Variants in CST3 observed in about 807,000 individuals in gnomAD.
CST3 encodes cystatin C.
Under a neutral mutation model 9.0 loss-of-function variants are expected in CST3, and 14 were observed. That is an observed-to-expected ratio of 1.56 (90% CI 1.03 to 2.44). CST3 has a LOEUF of 2.44. Ranked by LOEUF, CST3 falls within the 30% of genes most tolerant of loss-of-function variation. The pLI is 0.00. For missense variants in CST3, 237 were observed against 204.3 expected (o/e 1.16, Z -0.98); for synonymous variants, 96 against 90.2 (o/e 1.06, Z -0.37).
chr20:23,635,496 C>T, intron 1 of CST3, 129 bp from the exon 2 acceptor site: 3 of 792,958 alleles, frequency 3.8e-6, no homozygotes, highest in Non-Finnish European at 6.4e-6. Context: ...GAGCTGCCCA[C>T]ATTGTCACCT....
In CST3 at chr20:23,637,902, C is replaced by A; in HGVS notation, c.-40G>T. ...CGGGACGCGGGGAGTGGGGCGCAGG[C>A]GAGAGGCTGGAGCTAGATAGAGAGG... On this transcript the variant is annotated 5_prime_UTR_variant, in exon 1 of 3. Coordinates refer to ENST00000376925, the MANE Select transcript of CST3 (RefSeq NM_000099.4). 7.5e-7 allele frequency: 1 copy of A among 1,334,668 alleles called. No individual in the cohort carries two copies. The highest frequency in any genetic ancestry group is 3.7e-5 in the East Asian group (1 of 27,064). The allele number at this position is 1,334,668 out of a possible 1,614,324, so 82.7% of individuals were successfully genotyped here. A position where few individuals can be genotyped will look rare whatever the true frequency, so the allele number is the denominator to read the frequency against.
exon 4 of CST3, chr20:23,628,261 G>A (rs1183709706): frequency 6.6e-6 from 1 of 152,122 alleles, no homozygotes; most frequent in Non-Finnish European, 1.5e-5. Context: ...CAATCCCAGG[G>A]GCACAGCTAC....
intron 1 of CST3, among the ~76,000 whole-genome samples, chr20:23,635,826 A>G (rs1979650756): frequency 6.6e-6 from 1 of 152,196 alleles, no homozygotes; most frequent in Admixed American, 6.5e-5. Context: ...ATTGCTTCCC[A>G]CGTGCTTCCA....
exon 4 of CST3, chr20:23,626,885 G>A (rs2122450876): frequency 6.6e-6 from 1 of 152,298 alleles, no homozygotes; most frequent in Non-Finnish European, 1.5e-5. Flanking sequence ...CTTGTAACTG[G>A]AGTAAGTTGT....
chr20:23,633,971 G>A lies in CST3; in HGVS notation c.386C>T (p.Ala129Val). ...GGTCATTGTGCCCTGCCAAGGCACA[G>A]CGTAGATCTGGAAAGAGCAGAATGC... ...RKAFCSFQIYAVPWQGTMTLS... is the reference protein window; with the variant it reads ...RKAFCSFQIYVVPWQGTMTLS... Residue 129 changes from alanine to valine, a missense_variant, in exon 3 of 3, where the codon GCT becomes GTT. By Grantham distance (64) the Ala-to-Val change is moderately conservative. Coordinates refer to ENST00000376925, the MANE Select transcript of CST3 (RefSeq NM_000099.4). The A allele has an allele frequency of 6.2e-7, 1 of 1,614,126 alleles. No individual in the cohort carries two copies.
chr20:23,627,798 A>G (rs1425689414), exon 4 of CST3: 3 of 152,122 alleles, frequency 2.0e-5, no homozygotes, highest in African/African-American at 7.2e-5. Flanking sequence ...TTATGCGTTT[A>G]TTGGCTATTT....
intron 1 of CST3, among the ~76,000 whole-genome samples, chr20:23,636,477 C>T (rs1187400016): frequency 1.3e-5 from 2 of 152,214 alleles, no homozygotes; most frequent in East Asian, 3.9e-4. Flanking sequence ...AGCAGGGACT[C>T]AGCTGCCCTG....
downstream of CST3, among the ~76,000 whole-genome samples, chr20:23,630,735 C>T (rs1054851448): frequency 2.6e-4 from 39 of 151,034 alleles, no homozygotes; most frequent in African/African-American, 7.8e-4. Flanking sequence ...CATCCCAAGC[C>T]TCTAAGTCCA....
chr20:23,635,316 A>C lies in CST3; in HGVS notation c.295T>G (p.Cys99Gly). ...TCCAAGTTGGGCTGGGTCTTGGTAC[A>C]CGTGGTTCGGCCCAGCTCCACGTCC... is the stretch of plus-strand genomic sequence containing the variant. The part of the protein sequence containing the change: ...FLDVELGRTT[C>G]TKTQPNLDNC... Residue 99 changes from cysteine to glycine, a missense_variant, in exon 2 of 3, where the codon TGT becomes GGT. Coordinates refer to ENST00000376925, the MANE Select transcript of CST3 (RefSeq NM_000099.4). 6.2e-7 allele frequency: 1 copy of C among 1,613,822 alleles called. No individual in the cohort carries two copies. The highest frequency in any genetic ancestry group is 8.5e-7 in the Non-Finnish European group (1 of 1,179,728).
At chr20:23,633,284 G>T (rs888152207), downstream of CST3, among the ~76,000 whole-genome samples, 2 of 152,052 alleles carry the variant, frequency 1.3e-5, no homozygotes, top group Non-Finnish European at 2.9e-5. Flanking sequence ...TGGAATCTAT[G>T]ACCTGGCGAG....
rs941822602 is a variant in CST3 at position 23,635,306 on chromosome 20, G to A, written c.305C>T (p.Thr102Ile). The change falls in exon 2 of 3, where the codon ACC (threonine) becomes ATC (isoleucine). Residue 102 changes from threonine to isoleucine, a missense_variant. Coordinates refer to ENST00000376925, the MANE Select transcript of CST3 (RefSeq NM_000099.4). Reference protein sequence around the residue: ...VELGRTTCTKTQPNLDNCPFH... With the variant: ...VELGRTTCTKIQPNLDNCPFH... ...GGGGCAGTTGTCCAAGTTGGGCTGG[G>A]TCTTGGTACACGTGGTTCGGCCCAG... The A allele has an allele frequency of 6.2e-7, 1 of 1,614,130 alleles. No individual in the cohort carries two copies. Among genetic ancestry groups the A allele is most frequent in the Non-Finnish European group, 8.5e-7 (1 of 1,180,010 alleles).
chr20:23,627,953 GTTACCAGTC>G (rs1027281271), exon 4 of CST3: 8 of 151,812 alleles, frequency 5.3e-5, no homozygotes, highest in Non-Finnish European at 1.0e-4. Context: ...TTTTAATTGG[GTTACCAGTC>G]TTATTGAGTT....
At position 23,633,696 on chromosome 20, in the gene CST3, G is replaced by A; in HGVS notation, c.*220C>T. 2 of 644,692 alleles carry A rather than the reference G, an allele frequency of 3.1e-6. No homozygotes were observed. The highest frequency in any genetic ancestry group is 2.8e-6 in the Non-Finnish European group (1 of 355,762). The allele number at this position is 644,692 out of a possible 1,614,324, so 39.9% of individuals were successfully genotyped here. A position where few individuals can be genotyped will look rare whatever the true frequency, so the allele number is the denominator to read the frequency against. Reference sequence around the variant, plus strand: ...TTTATTGCAGGAGGTGGGGGTGTATGCACCGCACACCGGGGCTATGAGAAG... The same window carrying A: ...TTTATTGCAGGAGGTGGGGGTGTATACACCGCACACCGGGGCTATGAGAAG... On this transcript the variant is annotated 3_prime_UTR_variant, in exon 3 of 3. Coordinates refer to ENST00000376925, the MANE Select transcript of CST3 (RefSeq NM_000099.4).
At chr20:23,626,803 T>C (rs1255691866) in exon 4 of CST3, 4 of 152,244 alleles carry the variant, frequency 2.6e-5, no homozygotes, top group African/African-American at 9.6e-5. Flanking sequence ...TTGTGTTTAG[T>C]TTTTCCTGGG....
intron 1 of CST3, 106 bp downstream of exon 1, chr20:23,637,514 A>G (rs1398281958): frequency 5.3e-6 from 6 of 1,142,058 alleles, no homozygotes; most frequent in Non-Finnish European, 7.0e-6. Flanking sequence ...GGTCCGGGTG[A>G]GAAGCCCAGG....
chr20:23,630,079 A>G (rs1178484385), downstream of CST3, among the ~76,000 whole-genome samples: 5 of 152,220 alleles, frequency 3.3e-5, no homozygotes, highest in Non-Finnish European at 7.3e-5. Flanking sequence ...TTTAGGAGCA[A>G]CTGGACTTTG....
At chr20:23,636,226 G>A (rs968737991) in intron 1 of CST3, among the ~76,000 whole-genome samples, 1 of 152,216 alleles carries the variant, frequency 6.6e-6, no homozygotes, top group African/African-American at 2.4e-5. Flanking sequence ...CCAGCTGACG[G>A]CTGCGGGAGA....
rs910258504 is a variant in CST3, at chr20:23,635,292, C to T, written c.319G>A (p.Asp107Asn). ...TTCTKTQPNL[D>N]NCPFHDQPHL... ...GGCTGGTCATGGAAGGGGCAGTTGT[C>T]CAAGTTGGGCTGGGTCTTGGTACAC... Residue 107 changes from aspartate to asparagine, a missense_variant, in exon 2 of 3, where the codon GAC becomes AAC. Transcript: ENST00000376925. 4 of 1,614,076 alleles carry T rather than the reference C, an allele frequency of 2.5e-6. No homozygotes were observed. In the Middle Eastern group the frequency reaches 4.9e-4, roughly 200 times the overall value.
chr20:23,631,109 T>C (rs1022608960), downstream of CST3, among the ~76,000 whole-genome samples: 7 of 151,976 alleles, frequency 4.6e-5, no homozygotes, highest in African/African-American at 1.7e-4. Flanking sequence ...GAAAACAAAA[T>C]TTTGGGGGAA....
Sources: allele counts gnomAD v4.1 joint callset (sites outside exome capture counted in the v4.1 genomes callset), GRCh38; gene constraint gnomAD v4.1.1; transcripts MANE v1.5; gene names NCBI Gene and HGNC (gene_info 2026-07-23, HGNC 2026-07-21).